Variants in GRIK2 observed in about 807,000 individuals in gnomAD.
The protein encoded by GRIK2 is glutamate receptor ionotropic, kainate 2.
Under a neutral mutation model 100.3 loss-of-function variants are expected in GRIK2, and 32 were observed. The ratio of observed to expected loss-of-function variants is 0.32; its 90% CI spans 0.24 to 0.43. The LOEUF (loss-of-function observed/expected upper bound fraction) is 0.43, where lower values mean the gene tolerates loss of function less well. GRIK2 is among the 20% of genes least tolerant of loss of function. GRIK2 has a pLI of 1.00. For missense variants in GRIK2, 843 were observed against 1,114.9 expected (o/e 0.76, Z 3.47); for synonymous variants, 417 against 389.4 (o/e 1.07, Z -0.83).
At chr6:101,494,668 T>C (rs1773329101) in intron 2 of GRIK2, among the ~76,000 whole-genome samples, 1 of 151,628 alleles carries the variant, frequency 6.6e-6, no homozygotes, top group African/African-American at 2.4e-5. Context: ...TGGTGGCTCA[T>C]GCCTGTAATC....
intron 9 of GRIK2, among the ~76,000 whole-genome samples, chr6:101,812,858 G>A (rs988955736): frequency 6.6e-6 from 1 of 151,964 alleles, no homozygotes; most frequent in Non-Finnish European, 1.5e-5. Flanking sequence ...ACCTTCTATA[G>A]AAGACATGAG....
chr6:101,727,245 G>T (rs1774934136), intron 7 of GRIK2, among the ~76,000 whole-genome samples: 2 of 152,082 alleles, frequency 1.3e-5, no homozygotes, highest in African/African-American at 2.4e-5. Context: ...TGATTTATGT[G>T]CTCCTTATGT....
intron 5 of GRIK2, among the ~76,000 whole-genome samples, chr6:101,680,502 C>T (rs1221461018): frequency 6.6e-6 from 1 of 152,082 alleles, no homozygotes; most frequent in Non-Finnish European, 1.5e-5. Flanking sequence ...TTTCCTTACC[C>T]ATAAAATGAA....
At chr6:101,603,062 T>G (rs1779296014) in intron 2 of GRIK2, among the ~76,000 whole-genome samples, 1 of 151,726 alleles carries the variant, frequency 6.6e-6, no homozygotes, top group African/African-American at 2.4e-5. Flanking sequence ...TCCAAATTAT[T>G]ATTTTAATAT....
At chr6:101,665,002 C>A (rs974207441) in intron 4 of GRIK2, among the ~76,000 whole-genome samples, 1 of 152,176 alleles carries the variant, frequency 6.6e-6, no homozygotes, top group Admixed American at 6.6e-5. Context: ...ATGTGGAGAT[C>A]AGGAAAGCTA....
intron 7 of GRIK2, among the ~76,000 whole-genome samples, chr6:101,774,520 C>T (rs1778616901): frequency 6.6e-6 from 1 of 152,086 alleles, no homozygotes; most frequent in Admixed American, 6.6e-5. Flanking sequence ...CTCATCAATA[C>T]AATGTGGTTC....
chr6:101,996,350 C>T (rs1276050301), intron 14 of GRIK2, among the ~76,000 whole-genome samples: 1 of 151,960 alleles, frequency 6.6e-6, no homozygotes, highest in Non-Finnish European at 1.5e-5. Context: ...CAGGATATTT[C>T]AAACGGTGAA....
chr6:101,559,848 G>C (rs1011719245), intron 2 of GRIK2, among the ~76,000 whole-genome samples: 3 of 152,028 alleles, frequency 2.0e-5, no homozygotes, highest in African/African-American at 7.2e-5. Flanking sequence ...AGTGTGAAAG[G>C]CTCTGCAGTA....
At chr6:101,601,120 GTTTTTT>G (rs34999814) in intron 2 of GRIK2, among the ~76,000 whole-genome samples, 14,108 of 140,360 alleles carry the variant, frequency 0.1, 751 homozygotes, top group Admixed American at 0.16. Context: ...AGTTTGTTGA[GTTTTTT>G]TTTTTTTTTT....
At chr6:101,951,546 G>C (rs1047556843) in intron 14 of GRIK2, among the ~76,000 whole-genome samples, 3 of 152,194 alleles carry the variant, frequency 2.0e-5, no homozygotes, top group Non-Finnish European at 4.4e-5. Flanking sequence ...ATTCCATGTA[G>C]ACTGATATGG....
At chr6:101,960,770 C>G (rs370666883) in intron 14 of GRIK2, among the ~76,000 whole-genome samples, 1 of 152,182 alleles carries the variant, frequency 6.6e-6, no homozygotes, top group African/African-American at 2.4e-5. Context: ...GCACAATGCT[C>G]TTCTGACAGA....
At chr6:101,873,570 C>T (rs1424830682) in intron 11 of GRIK2, among the ~76,000 whole-genome samples, 1 of 152,002 alleles carries the variant, frequency 6.6e-6, no homozygotes, top group Non-Finnish European at 1.5e-5. Context: ...GTGCATGTTT[C>T]TTTATAGCAG....
intron 14 of GRIK2, among the ~76,000 whole-genome samples, chr6:101,968,913 ACATTTGTCCAAT>A (rs1186260103): frequency 2.6e-5 from 4 of 152,072 alleles, no homozygotes; most frequent in Non-Finnish European, 4.4e-5. Context: ...CACAATGAAT[ACATTTGTCCAAT>A]TGTGGGCTAA....
intron 2 of GRIK2, among the ~76,000 whole-genome samples, chr6:101,611,868 C>T (rs1014088498): frequency 3.3e-5 from 5 of 151,780 alleles, no homozygotes; most frequent in Admixed American, 2.0e-4. Context: ...TTTTAACCAG[C>T]ATACATTTAG....
At chr6:101,877,843 A>G (rs1324392094) in intron 11 of GRIK2, among the ~76,000 whole-genome samples, 1 of 151,626 alleles carries the variant, frequency 6.6e-6, no homozygotes, top group East Asian at 1.9e-4. Flanking sequence ...CATCAAATGT[A>G]TTTTGTTTTT....
intron 7 of GRIK2, among the ~76,000 whole-genome samples, chr6:101,706,265 A>G (rs1773291794): frequency 6.6e-6 from 1 of 151,924 alleles, no homozygotes; most frequent in Non-Finnish European, 1.5e-5. Context: ...TGAATATGCT[A>G]GAGAATATTA....
At chr6:101,554,098 C>T (rs968766869) in intron 2 of GRIK2, among the ~76,000 whole-genome samples, 4 of 152,190 alleles carry the variant, frequency 2.6e-5, no homozygotes, top group South Asian at 2.1e-4. Context: ...TCTATGTAAA[C>T]GTAGAGAGTG....
At chr6:101,921,282 A>G (rs1376027531) in intron 12 of GRIK2, among the ~76,000 whole-genome samples, 2 of 38,978 alleles carry the variant, frequency 5.1e-5, no homozygotes, top group East Asian at 3.3e-3. Context: ...TAAAAGAAAA[A>G]TTAGTAAAAA....
chr6:101,877,751 T>C (rs767657106), intron 11 of GRIK2, among the ~76,000 whole-genome samples: 1 of 151,998 alleles, frequency 6.6e-6, no homozygotes, highest in Non-Finnish European at 1.5e-5. Flanking sequence ...GATACATCTA[T>C]GTTTGCTTTT....
Sources: gnomAD v4.1 joint callset for allele counts (sites outside exome capture counted in the v4.1 genomes callset) on GRCh38, gnomAD v4.1.1 for gene constraint, MANE v1.5 for transcripts, NCBI Gene and HGNC (gene_info 2026-07-23, HGNC 2026-07-21) for gene names.